The following CEMIP variants were observed in gnomAD, a reference collection of about 807,000 sequenced individuals.
CEMIP encodes cell migration-inducing and hyaluronan-binding protein.
In CEMIP, 105 loss-of-function variants were observed where a neutral mutation model predicts 156.9. The observed-to-expected ratio is 0.67, with a 90% confidence interval of 0.57 to 0.79. The LOEUF (loss-of-function observed/expected upper bound fraction) is 0.79, where lower values mean the gene tolerates loss of function less well. Ranked by LOEUF, CEMIP falls within the 30% of genes least tolerant of loss-of-function variation. The pLI is 0.00. For missense variants in CEMIP, 1,457 were observed against 1,769.4 expected, an observed-to-expected ratio of 0.82 and a Z score of 3.17; for synonymous variants, 676 against 668.4, an observed-to-expected ratio of 1.01 and a Z score of -0.17.
chr15:80,938,320 A>C (rs1901215103), intron 25 of CEMIP: 1 of 301,298 alleles, frequency 3.3e-6, no homozygotes, highest in Admixed American at 4.7e-5. Flanking sequence ...CAGAGGATTA[A>C]GAGATGGGCA....
At chr15:80,839,289 A>AGAGTGTGTGTGT (rs1555429516) in intron 1 of CEMIP, among the ~76,000 whole-genome samples, 1 of 131,120 alleles carries the variant, frequency 7.6e-6, no homozygotes, top group African/African-American at 3.1e-5. Flanking sequence ...CAAGGCCGTG[A>AGAGTGTGTGTGT]GTGTGTGTGT....
chr15:80,937,024 C>T (rs937412533), intron 24 of CEMIP, 139 bp downstream of exon 24: 18 of 829,118 alleles, frequency 2.2e-5, no homozygotes, highest in Admixed American at 6.0e-5. Context: ...GTTGACATCA[C>T]CCAGGAGTTA....
chr15:80,822,671 TG>T (rs1227427838), intron 1 of CEMIP, among the ~76,000 whole-genome samples: 1 of 152,228 alleles, frequency 6.6e-6, no homozygotes, highest in Non-Finnish European at 1.5e-5. Flanking sequence ...CCAGTGATGG[TG>T]AACACTCTAA....
chr15:80,830,001 T>TGTGTGTGC (rs1297001861), intron 1 of CEMIP, among the ~76,000 whole-genome samples: 10 of 81,500 alleles, frequency 1.2e-4, no homozygotes, highest in East Asian at 4.4e-4. Flanking sequence ...TGTGTGTGTG[T>TGTGTGTGC]GCGCGCATGT....
At chr15:80,861,413 G>A (rs962656746) in intron 1 of CEMIP, among the ~76,000 whole-genome samples, 1 of 152,152 alleles carries the variant, frequency 6.6e-6, no homozygotes, top group Non-Finnish European at 1.5e-5. Context: ...CCTGCACTAC[G>A]CTCATCTTTG....
At chr15:80,905,153 G>A (rs1899744040) in intron 12 of CEMIP, among the ~76,000 whole-genome samples, 1 of 152,170 alleles carries the variant, frequency 6.6e-6, no homozygotes, top group Non-Finnish European at 1.5e-5. Context: ...TTATAACCAT[G>A]GCCTTCACAT....
At chr15:80,928,260 T>C (rs1378728882) in intron 19 of CEMIP, among the ~76,000 whole-genome samples, 2 of 152,176 alleles carry the variant, frequency 1.3e-5, no homozygotes, top group South Asian at 4.2e-4. Context: ...GGATTCTGTG[T>C]AATCCCTTGT....
At chr15:80,896,963 A>G (rs1346986998) in intron 12 of CEMIP, among the ~76,000 whole-genome samples, 1 of 152,212 alleles carries the variant, frequency 6.6e-6, no homozygotes, top group Non-Finnish European at 1.5e-5. Context: ...CATAGTGCTC[A>G]AAAGTCACCT....
intron 5 of CEMIP, 22 bp downstream of exon 5, chr15:80,879,876 A>G (rs962085786): frequency 1.2e-6 from 2 of 1,613,844 alleles, no homozygotes; most frequent in Non-Finnish European, 1.7e-6. Context: ...ACTCCTACAG[A>G]TCAAATGCTA....
chr15:80,945,919 C>A (rs1422824693), intron 28 of CEMIP, among the ~76,000 whole-genome samples: 1 of 152,216 alleles, frequency 6.6e-6, no homozygotes, highest in Non-Finnish European at 1.5e-5. Flanking sequence ...ATTCCCAAGT[C>A]GAACTTTTGC....
At chr15:80,914,930 G>C (rs939842080) in intron 14 of CEMIP, among the ~76,000 whole-genome samples, 1 of 152,110 alleles carries the variant, frequency 6.6e-6, no homozygotes, top group South Asian at 2.1e-4. Context: ...GGGTCGGAAA[G>C]GGGGAGTGCT....
chr15:80,858,436 G>A (rs1897904415), intron 1 of CEMIP, among the ~76,000 whole-genome samples: 1 of 152,152 alleles, frequency 6.6e-6, no homozygotes, highest in African/African-American at 2.4e-5. Context: ...ACCTTTGGCT[G>A]GGCTTGGTGG....
intron 19 of CEMIP, among the ~76,000 whole-genome samples, chr15:80,927,111 G>A (rs953763228): frequency 3.9e-5 from 6 of 152,238 alleles, no homozygotes; most frequent in Non-Finnish European, 7.3e-5. Flanking sequence ...TTACAGGCGT[G>A]AGCCACTGTG....
chr15:80,840,307 T>G (rs775485194), intron 1 of CEMIP, among the ~76,000 whole-genome samples: 1 of 151,716 alleles, frequency 6.6e-6, no homozygotes, highest in Non-Finnish European at 1.5e-5. Context: ...GCATGGAGGG[T>G]GGGGACGAGT....
In CEMIP at chr15:80,893,900, C is replaced by T. The variant is rs564104251; in HGVS notation, c.1087-1090C>T. Among the ~76,000 whole-genome samples, 41 of 151,002 alleles carry T rather than the reference C, an allele frequency of 2.7e-4. No individual in the cohort carries two copies. In the Middle Eastern group the frequency reaches 0.01, roughly 38 times the overall value. ...TACCCCAGTCTGGTCCCTTTGGTCT[C>T]TATGCCAAAGATGACAGCAGCTGCA... is the stretch of plus-strand genomic sequence containing the variant. On this transcript the variant is annotated intron_variant, in intron 10 of 29. Transcript: ENST00000394685.
At chr15:80,918,374 C>T (rs1180641906) in intron 14 of CEMIP, among the ~76,000 whole-genome samples, 1 of 152,170 alleles carries the variant, frequency 6.6e-6, no homozygotes, top group Non-Finnish European at 1.5e-5. Flanking sequence ...CTCCCTCCTA[C>T]CCAATGGAAT....
chr15:80,900,645 T>C, intron 12 of CEMIP, among the ~76,000 whole-genome samples: 1 of 126,240 alleles, frequency 7.9e-6, no homozygotes, highest in South Asian at 2.5e-4. Context: ...TGTGTGTGTG[T>C]GTGTCTGTGT....
chr15:80,916,265 A>T (rs1012702055), intron 14 of CEMIP, among the ~76,000 whole-genome samples: 1 of 152,138 alleles, frequency 6.6e-6, no homozygotes, highest in Non-Finnish European at 1.5e-5. Context: ...CTCCCCCGCC[A>T]CTGAAGCAGT....
At chr15:80,913,153 C>A (rs1900132843) in intron 14 of CEMIP, among the ~76,000 whole-genome samples, 1 of 152,178 alleles carries the variant, frequency 6.6e-6, no homozygotes, top group African/African-American at 2.4e-5. Context: ...GCTCTGATAT[C>A]CTTTATCCTC....
Sources: gnomAD v4.1 joint callset for allele counts (sites outside exome capture counted in the v4.1 genomes callset) on GRCh38, gnomAD v4.1.1 for gene constraint, MANE v1.5 for transcripts, NCBI Gene and HGNC (gene_info 2026-07-23, HGNC 2026-07-21) for gene names.